KLHL10: variants seen among roughly 807,000 people sequenced by gnomAD.
KLHL10 encodes kelch-like protein 10.
In KLHL10, 11 loss-of-function variants were observed where a neutral mutation model predicts 46.6. The observed-to-expected ratio is 0.24, with a 90% CI of 0.15 to 0.39. The LOEUF (loss-of-function observed/expected upper bound fraction) is 0.39, where lower values mean the gene tolerates loss of function less well. KLHL10 is among the 10% of genes least tolerant of loss of function. The pLI is 1.00. For missense variants in KLHL10, 475 were observed against 789.8 expected (o/e 0.60, Z 4.78); for synonymous variants, 254 against 279.1 (o/e 0.91, Z 0.90).
upstream of KLHL10, chr17:41,836,295 G>C: frequency 2.4e-6 from 3 of 1,231,890 alleles, no homozygotes; most frequent in Non-Finnish European, 3.0e-6. Context: ...GGGTTGGTGG[G>C]GCCGGGGGCG....
chr17:41,838,936 G>A (rs868928219), intron 1 of KLHL10, among the ~76,000 whole-genome samples: 12 of 151,826 alleles, frequency 7.9e-5, no homozygotes, highest in Non-Finnish European at 1.5e-4. Context: ...TGATCTGCCC[G>A]TCTTGACCTC....
At chr17:41,836,634 G>A (rs2048164415), upstream of KLHL10, among the ~76,000 whole-genome samples, 1 of 152,048 alleles carries the variant, frequency 6.6e-6, no homozygotes, top group Non-Finnish European at 1.5e-5. Flanking sequence ...ACCAGCCTGG[G>A]CAATATGACG....
chr17:41,837,978 C>T lies in KLHL10; in HGVS notation c.46C>T (p.His16Tyr). The T allele has an allele frequency of 6.2e-7, 1 of 1,614,132 alleles. No homozygotes were observed. Among genetic ancestry groups the T allele is most frequent in the Non-Finnish European group, 8.5e-7 (1 of 1,180,030 alleles). The change falls in exon 1 of 5, where the codon CAC (histidine) becomes TAC (tyrosine). Residue 16 changes from histidine (H) to tyrosine (Y), a missense_variant. Transcript: ENST00000293303. Reference sequence around the variant, plus strand: ...GGCCTCCACACGTTTCCACCAGCCTCACATGGAGAGGAAGATGAGTGCGAT... The same window carrying T: ...GGCCTCCACACGTTTCCACCAGCCTTACATGGAGAGGAAGATGAGTGCGAT... ...AAASTRFHQP[H>Y]MERKMSAMAC...
rs1216896834 is a variant in KLHL10 at position 41,845,448 on chromosome 17, A to G, written c.1007A>G (p.Tyr336Cys). 1.1e-5 allele frequency: 18 copies of G among 1,614,096 alleles called. No homozygotes were observed. The highest frequency in any genetic ancestry group is 1.6e-4 in the Middle Eastern group (1 of 6,084). ...CCCCGTGCCTACCATGGGGCAGCCT[A>G]TTTGAAAGGCTATGTGTATATCATT... is the stretch of plus-strand genomic sequence containing the variant. ...ESPRAYHGAAYLKGYVYIIGG... is the reference protein window; with the variant it reads ...ESPRAYHGAACLKGYVYIIGG... Residue 336 changes from tyrosine (Y) to cysteine (C), a missense_variant, in exon 3 of 5, where the codon TAT (tyrosine) becomes TGT (cysteine). Tyr to Cys is a radical substitution (Grantham distance 194). Transcript: ENST00000293303.
chr17:41,837,736 A>G, upstream of KLHL10: 2 of 1,361,438 alleles, frequency 1.5e-6, no homozygotes, highest in East Asian at 2.6e-5. Context: ...GGACAAGTCC[A>G]GGAGGCAGTT....
chr17:41,838,506 C>T (rs1555620433), intron 1 of KLHL10, among the ~76,000 whole-genome samples: 1 of 152,128 alleles, frequency 6.6e-6, no homozygotes, highest in African/African-American at 2.4e-5. Flanking sequence ...AAGCGATCCT[C>T]CTGCCTCAGT....
chr17:41,845,028 C>A, intron 2 of KLHL10, 98 bp from the exon 3 acceptor site: 1 of 1,450,290 alleles, frequency 6.9e-7, no homozygotes, highest in Non-Finnish European at 9.7e-7. Flanking sequence ...CAAAATATTT[C>A]CAGCAATTCA....
chr17:41,837,447 C>T (rs546573842), upstream of KLHL10: 30 of 581,428 alleles, frequency 5.2e-5, no homozygotes, highest in Non-Finnish European at 5.9e-5. Flanking sequence ...CCACTGCGCC[C>T]GGCCTAAGAA....
At position 41,837,909 on chromosome 17, in the gene KLHL10, C is replaced by T; in HGVS notation, c.-24C>T. On this transcript the variant is annotated 5_prime_UTR_variant, in exon 1 of 5. Transcript: ENST00000293303. Reference sequence around the variant, plus strand: ...CTCCCCGACACCCTAGGAAAGCAGCCTCTCTCCGCTGTCCCAGGGTGCCAT... The same window carrying T: ...CTCCCCGACACCCTAGGAAAGCAGCTTCTCTCCGCTGTCCCAGGGTGCCAT... The T allele has an allele frequency of 6.2e-7, 1 of 1,612,888 alleles. No homozygotes were observed. Among genetic ancestry groups the T allele is most frequent in the Non-Finnish European group, 8.5e-7 (1 of 1,179,918 alleles).
intron 3 of KLHL10, 100 bp from the exon 4 acceptor site, chr17:41,847,161 T>A: frequency 9.8e-7 from 1 of 1,018,142 alleles, no homozygotes; most frequent in Non-Finnish European, 1.6e-6. Context: ...AAATTCAGAC[T>A]GTACAGACTG....
At position 41,841,909 on chromosome 17, in the gene KLHL10, T is replaced by C; in HGVS notation, c.281T>C (p.Ile94Thr). Reference protein sequence around the residue: ...GISPDMMKLIIEYAYTRTVPI... With the variant: ...GISPDMMKLITEYAYTRTVPI... The stretch of plus-strand genomic sequence containing the variant: ...TCTCCCGACATGATGAAGCTAATCA[T>C]TGAGTATGCATACACCCGGACCGTG... The change falls in exon 2 of 5, where the codon ATT becomes ACT. Residue 94 changes from isoleucine (I) to threonine (T), a missense_variant. By Grantham distance (89) the Ile-to-Thr change is moderately conservative. Transcript: ENST00000293303. The C allele has an allele frequency of 6.2e-7, 1 of 1,614,210 alleles. No homozygotes were observed. Among genetic ancestry groups the C allele is most frequent in the Non-Finnish European group, 8.5e-7 (1 of 1,180,042 alleles).
upstream of KLHL10, chr17:41,836,456 A>G (rs2048161758): frequency 7.1e-6 from 7 of 984,846 alleles, no homozygotes; most frequent in South Asian, 1.4e-4. Flanking sequence ...GTGGGTAGGT[A>G]GGGTTCTGCC....
At chr17:41,835,792 G>A, upstream of KLHL10, 1 of 1,417,494 alleles carries the variant, frequency 7.1e-7, no homozygotes, top group Non-Finnish European at 9.7e-7. Flanking sequence ...AAGCGGGAAG[G>A]CCCAATGGGC....
chr17:41,847,119 T>C (rs1271926178), intron 3 of KLHL10, 142 bp from the exon 4 acceptor site: 2 of 735,066 alleles, frequency 2.7e-6, no homozygotes, highest in Non-Finnish European at 4.8e-6. Flanking sequence ...AAAAAATAAA[T>C]AAAAAGCAAT....
intron 3 of KLHL10, among the ~76,000 whole-genome samples, chr17:41,846,176 C>T (rs2048283242): frequency 6.6e-6 from 1 of 150,766 alleles, no homozygotes; most frequent in African/African-American, 2.4e-5. Context: ...GGCGCCATTT[C>T]ACTCCAGCCC....
Position 41,837,963 on chromosome 17 carries a change from C to T in KLHL10, c.31C>T (p.Arg11Cys), listed in dbSNP as rs782597221. The T allele has an allele frequency of 1.4e-5, 23 of 1,614,010 alleles. No homozygotes were observed. The South Asian group carries it at 1.9e-4, about 13-fold the overall frequency. The change falls in exon 1 of 5, where the codon CGT becomes TGT. Residue 11 changes from arginine to cysteine, a missense_variant. Arg to Cys is a radical substitution (Grantham distance 180). Coordinates refer to ENST00000293303, the MANE Select transcript of KLHL10 (RefSeq NM_152467.5). ...GATGGAGAGCGCGGCGGCCTCCACA[C>T]GTTTCCACCAGCCTCACATGGAGAG... MEMESAAAST[R>C]FHQPHMERKM...
At chr17:41,836,307 G>C, upstream of KLHL10, 1 of 1,230,658 alleles carries the variant, frequency 8.1e-7, no homozygotes, top group South Asian at 4.1e-5. Flanking sequence ...CCGGGGGCGG[G>C]GCGGGGGTGG....
At chr17:41,840,208 A>G (rs1567867617) in intron 1 of KLHL10, among the ~76,000 whole-genome samples, 1 of 152,262 alleles carries the variant, frequency 6.6e-6, no homozygotes, top group Non-Finnish European at 1.5e-5. Flanking sequence ...CTCTGTTTTT[A>G]TACTGCAAAA....
chr17:41,842,431 C>T (rs2048235760), intron 2 of KLHL10, 119 bp downstream of exon 2: 1 of 1,284,322 alleles, frequency 7.8e-7, no homozygotes, highest in East Asian at 2.4e-5. Flanking sequence ...ATCTACTATT[C>T]TCTGGAATTT....
Sources: allele counts gnomAD v4.1 joint callset (sites outside exome capture counted in the v4.1 genomes callset), GRCh38; gene constraint gnomAD v4.1.1; transcripts MANE v1.5; gene names NCBI Gene and HGNC (gene_info 2026-07-23, HGNC 2026-07-21).